The following MAP3K5 variants were observed in gnomAD, a reference collection of about 807,000 sequenced individuals.
MAP3K5 encodes mitogen-activated protein kinase kinase kinase 5.
MAP3K5 carries 56 observed loss-of-function variants against 158.7 expected under a neutral mutation model. The observed-to-expected ratio is 0.35, with a 90% CI of 0.28 to 0.44. The LOEUF is 0.44. Among genes scored for constraint, MAP3K5 ranks in the 20% least tolerant of loss-of-function variants. The pLI is 1.00. For synonymous variants in MAP3K5, 579 were observed against 601.7 expected, an observed-to-expected ratio of 0.96 and a Z score of 0.55; for missense variants, 1,294 against 1,674.8, an observed-to-expected ratio of 0.77 and a Z score of 3.97.
At chr6:136,599,469 T>G (rs1775783768) in intron 21 of MAP3K5, among the ~76,000 whole-genome samples, 1 of 149,456 alleles carries the variant, frequency 6.7e-6, no homozygotes, top group Admixed American at 6.6e-5. Flanking sequence ...ACTGTCCACT[T>G]AAAGGATCTC....
In MAP3K5 at chr6:136,792,083, G is replaced by A; in HGVS notation, c.75C>T (p.Pro25=). The change falls in exon 1 of 30, where the codon CCC becomes CCT. Residue 25 remains proline, a synonymous_variant. Transcript: ENST00000359015. The surrounding 1 kb of genome is among the most constrained non-coding windows in gnomAD (Gnocchi z 5.7). Reference sequence around the variant, plus strand: ...CTCCCCTCCTGCAGATGCCGCCCTCGGGGATGGTGCAGAAGCCCGAGGGGG... The same window carrying A: ...CTCCCCTCCTGCAGATGCCGCCCTCAGGGATGGTGCAGAAGCCCGAGGGGG... ...PFAPSGFCTI[P]EGGICRRGGA... The A allele has an allele frequency of 6.3e-7, 1 of 1,578,296 alleles. No homozygotes were observed. The highest frequency in any genetic ancestry group is 8.6e-7 in the Non-Finnish European group (1 of 1,166,430).
intron 14 of MAP3K5, among the ~76,000 whole-genome samples, chr6:136,625,837 TAA>T (rs2129097983): frequency 6.6e-6 from 1 of 152,256 alleles, no homozygotes; most frequent in Admixed American, 6.5e-5. Flanking sequence ...AAGACTTCAT[TAA>T]GTCAGAAATG....
intron 1 of MAP3K5, among the ~76,000 whole-genome samples, chr6:136,743,868 A>G (rs1167871383): frequency 8.5e-5 from 13 of 152,226 alleles, no homozygotes. Context: ...AAAAGAAATG[A>G]GCCATCAAGC....
chr6:136,678,602 AAC>A (rs1779801568), intron 7 of MAP3K5, among the ~76,000 whole-genome samples: 2 of 152,232 alleles, frequency 1.3e-5, no homozygotes, highest in Non-Finnish European at 2.9e-5. Flanking sequence ...AATCTTAGAG[AAC>A]TATACATTTA....
chr6:136,626,862 A>C (rs1777061625), intron 14 of MAP3K5, among the ~76,000 whole-genome samples: 1 of 152,138 alleles, frequency 6.6e-6, no homozygotes, highest in Non-Finnish European at 1.5e-5. Context: ...TTCAATTTAC[A>C]AATGATCAGA....
At chr6:136,738,485 C>A (rs1271316818) in intron 1 of MAP3K5, among the ~76,000 whole-genome samples, 1 of 152,098 alleles carries the variant, frequency 6.6e-6, no homozygotes, top group Non-Finnish European at 1.5e-5. Context: ...CAGAAGACAA[C>A]CTGTGGAAAA....
intron 1 of MAP3K5, among the ~76,000 whole-genome samples, chr6:136,743,978 G>A (rs1330004685): frequency 6.6e-6 from 1 of 152,148 alleles, no homozygotes; most frequent in African/African-American, 2.4e-5. Context: ...TATGGAAAAA[G>A]CAAAAGGATA....
intron 2 of MAP3K5, among the ~76,000 whole-genome samples, chr6:136,709,794 T>A (rs1184280654): frequency 6.6e-6 from 1 of 152,186 alleles, no homozygotes; most frequent in Non-Finnish European, 1.5e-5. Flanking sequence ...CTGAGCCAGA[T>A]GATGGTGTGC....
In MAP3K5 at chr6:136,611,461, A is replaced by T. The variant is rs796403290; in HGVS notation, c.2416-74T>A. ...TGTCTGTTGTTGACTTGGTAAGTCC[A>T]ATTTAAAAAAAAAAAAGGTGTCCTT... On this transcript the variant is annotated intron_variant, in intron 17 of 29. Coordinates refer to ENST00000359015, the MANE Select transcript of MAP3K5 (RefSeq NM_005923.4). 20 of 772,710 alleles carry T rather than the reference A, an allele frequency of 2.6e-5. 1 individual carries two copies. The African/African-American group carries it at 3.4e-4, about 13-fold the overall frequency. The allele number at this position is 772,710 out of a possible 1,614,324, so 47.9% of individuals were successfully genotyped here. A position where few individuals can be genotyped will look rare whatever the true frequency, so the allele number is the denominator to read the frequency against.
At chr6:136,573,711 C>T (rs1462886564) in intron 25 of MAP3K5, among the ~76,000 whole-genome samples, 5 of 152,078 alleles carry the variant, frequency 3.3e-5, no homozygotes, top group Non-Finnish European at 1.5e-5. Context: ...GCCCAGGACC[C>T]TCTGAGAACA....
At chr6:136,571,107 C>T (rs182318958) in intron 25 of MAP3K5, among the ~76,000 whole-genome samples, 9 of 152,226 alleles carry the variant, frequency 5.9e-5, no homozygotes, top group Non-Finnish European at 1.2e-4. Flanking sequence ...TTTCCAAGAC[C>T]TCCCATGGAC....
At chr6:136,639,004 T>C (rs1200749160) in intron 13 of MAP3K5, among the ~76,000 whole-genome samples, 1 of 152,150 alleles carries the variant, frequency 6.6e-6, no homozygotes, top group Non-Finnish European at 1.5e-5. Context: ...AAACATACAA[T>C]GCAGTCCATG....
At chr6:136,705,032 G>T in intron 3 of MAP3K5, 78 bp downstream of exon 3, 2 of 706,094 alleles carry the variant, frequency 2.8e-6, no homozygotes, top group South Asian at 1.8e-5. Context: ...AATTTGTGGA[G>T]ATTTTAAAAA....
chr6:136,641,297 A>G (rs939459275), intron 12 of MAP3K5, among the ~76,000 whole-genome samples: 4 of 152,210 alleles, frequency 2.6e-5, no homozygotes, highest in Non-Finnish European at 5.9e-5. Flanking sequence ...CTACCAATTT[A>G]TGCTCTAATA....
At chr6:136,783,109 G>A (rs1033459000) in intron 1 of MAP3K5, among the ~76,000 whole-genome samples, 13 of 152,138 alleles carry the variant, frequency 8.5e-5, no homozygotes, top group African/African-American at 2.9e-4. Flanking sequence ...TTTGAGACCA[G>A]CCTGGGCAAC....
intron 25 of MAP3K5, among the ~76,000 whole-genome samples, chr6:136,576,152 T>A (rs534499584): frequency 6.6e-6 from 1 of 152,232 alleles, no homozygotes; most frequent in Non-Finnish European, 1.5e-5. Context: ...ATGCTTATTT[T>A]ATTCTATAAT....
intron 21 of MAP3K5, among the ~76,000 whole-genome samples, chr6:136,593,173 T>G (rs772545536): frequency 9.9e-5 from 15 of 152,284 alleles, no homozygotes; most frequent in Middle Eastern, 6.8e-3. Context: ...TAAAAAAGGA[T>G]TCATCACTGA....
intron 3 of MAP3K5, among the ~76,000 whole-genome samples, chr6:136,700,541 T>C (rs144700058): frequency 6.6e-6 from 1 of 152,360 alleles, no homozygotes; most frequent in East Asian, 1.9e-4. Flanking sequence ...GACACTCATA[T>C]ATCAGGTAAT....
intron 1 of MAP3K5, among the ~76,000 whole-genome samples, chr6:136,737,296 T>C (rs766719996): frequency 9.2e-5 from 14 of 152,052 alleles, no homozygotes; most frequent in African/African-American, 1.4e-4. Context: ...TTATGCTCAC[T>C]ACACCTGGGT....
Sources: gnomAD v4.1 joint callset for allele counts (sites outside exome capture counted in the v4.1 genomes callset) on GRCh38, gnomAD v4.1.1 for gene constraint, Gnocchi (gnomAD v3.1) non-coding constraint, MANE v1.5 for transcripts, NCBI Gene and HGNC (gene_info 2026-07-23, HGNC 2026-07-21) for gene names.